The following CELF2 variants were observed in gnomAD, a reference collection of about 807,000 sequenced individuals.
The protein encoded by CELF2 is CUGBP Elav-like family member 2.
A neutral mutation model predicts 62.6 loss-of-function variants in CELF2; 8 were observed. The observed-to-expected ratio is 0.13, with a 90% CI of 0.07 to 0.23. The LOEUF is 0.23. Among genes scored for constraint, CELF2 ranks in the 10% least tolerant of loss-of-function variants. The pLI is 1.00. For missense variants in CELF2, 333 were observed against 671.0 expected, an observed-to-expected ratio of 0.50 and a Z score of 5.56; for synonymous variants, 258 against 250.0, an observed-to-expected ratio of 1.03 and a Z score of -0.30.
chr10:10,656,872 T>TA, the CELF2 span, among the ~76,000 whole-genome samples: 1 of 137,168 alleles, frequency 7.3e-6, no homozygotes, highest in Admixed American at 7.4e-5. Context: ...AAAGTATAAT[T>TA]AAAAAAATAA....
chr10:10,579,936 GA>G, the CELF2 span, among the ~76,000 whole-genome samples: 5,600 of 151,852 alleles, frequency 0.037, 325 homozygotes, highest in African/African-American at 0.13. Flanking sequence ...TGCTGATGGG[GA>G]AAAAAATGAG....
intron 1 of CELF2, among the ~76,000 whole-genome samples, chr10:10,911,717 C>T (rs1013240365): frequency 6.6e-5 from 10 of 152,234 alleles, no homozygotes; most frequent in Admixed American, 5.9e-4. Context: ...GTAACTCCGC[C>T]TCCTGGACTT....
chr10:10,637,238 G>T, the CELF2 span, among the ~76,000 whole-genome samples: 3 of 152,014 alleles, frequency 2.0e-5, no homozygotes, highest in Non-Finnish European at 2.9e-5. Context: ...CATCCTGAAG[G>T]GATTTACTAT....
At chr10:11,196,672 A>C (rs1357848644) in intron 2 of CELF2, among the ~76,000 whole-genome samples, 1 of 144,684 alleles carries the variant, frequency 6.9e-6, no homozygotes, top group African/African-American at 2.6e-5. Context: ...ACAAAACAAA[A>C]CAGAACCGGG....
chr10:11,073,779 G>A (rs1177353058), intron 1 of CELF2, among the ~76,000 whole-genome samples: 7 of 152,190 alleles, frequency 4.6e-5, no homozygotes, highest in Non-Finnish European at 1.0e-4. Flanking sequence ...ATGGCTGCAG[G>A]GTGGTGGCTG....
chr10:11,151,244 A>G (rs531874456), intron 1 of CELF2, among the ~76,000 whole-genome samples: 1 of 152,312 alleles, frequency 6.6e-6, no homozygotes, highest in South Asian at 2.1e-4. Flanking sequence ...CTTTTCCTGT[A>G]TATTCCCTGG....
At chr10:10,738,009 G>A in the CELF2 span, among the ~76,000 whole-genome samples, 1 of 152,158 alleles carries the variant, frequency 6.6e-6, no homozygotes, top group African/African-American at 2.4e-5. Context: ...GCCACACACA[G>A]GGGATATAAA....
intron 1 of CELF2, among the ~76,000 whole-genome samples, chr10:11,035,924 T>A (rs2060875796): frequency 6.6e-6 from 1 of 152,232 alleles, no homozygotes; most frequent in Admixed American, 6.5e-5. Context: ...AAATTCTGCT[T>A]GGCAATTTTA....
chr10:10,596,872 A>G, the CELF2 span, among the ~76,000 whole-genome samples: 2 of 152,062 alleles, frequency 1.3e-5, no homozygotes, highest in Non-Finnish European at 2.9e-5. Flanking sequence ...GTGAATGGAG[A>G]CAGATTCTTC....
At chr10:11,307,575 G>C (rs188788655) in intron 9 of CELF2, among the ~76,000 whole-genome samples, 25 of 152,270 alleles carry the variant, frequency 1.6e-4, no homozygotes, top group African/African-American at 5.8e-4. Flanking sequence ...TCATTACATA[G>C]ATTATTTAAT....
Position 11,011,672 on chromosome 10 carries a change from A to G in CELF2, c.53+6232A>G, listed in dbSNP as rs2056490705. ...TACTCAGCGATAGTGGTAGGACAAG[A>G]TAGAACATACTCCACTCTGTATAGC... On this transcript the variant is annotated intron_variant, in intron 1 of 12. Coordinates refer to the CELF2 transcript ENST00000416382. This position sits in a 1 kb window ranked among gnomAD's most constrained non-coding sequence, Gnocchi z 4.6. Among the ~76,000 whole-genome samples, 1 of 93,116 alleles carries G rather than the reference A, an allele frequency of 1.1e-5. No homozygotes were observed. Among genetic ancestry groups the G allele is most frequent in the Non-Finnish European group, 1.9e-5 (1 of 53,572 alleles). 61.1% of individuals were successfully genotyped at this position (93,116 alleles called of 152,430 possible).
intron 1 of CELF2, among the ~76,000 whole-genome samples, chr10:11,162,652 A>G (rs1357669551): frequency 4.6e-5 from 7 of 152,206 alleles, no homozygotes; most frequent in Non-Finnish European, 1.0e-4. Flanking sequence ...AATATTTGCT[A>G]TATAAGTGAT....
At chr10:10,508,660 A>ATGTGTGTGTGTGTGTG in the CELF2 span, among the ~76,000 whole-genome samples, 1 of 140,718 alleles carries the variant, frequency 7.1e-6, no homozygotes, top group African/African-American at 2.7e-5. Context: ...TCTTAAACAG[A>ATGTGTGTGTGTGTGTG]TGTGTGTGTG....
the CELF2 span, among the ~76,000 whole-genome samples, chr10:10,729,133 A>C: frequency 6.6e-6 from 1 of 152,234 alleles, no homozygotes; most frequent in Non-Finnish European, 1.5e-5. Context: ...CCAATTTGTG[A>C]GGGAAAAATT....
chr10:11,055,953 A>C (rs1291833), intron 1 of CELF2, among the ~76,000 whole-genome samples: 102,050 of 152,158 alleles, frequency 0.67, 35,638 homozygotes, highest in African/African-American at 0.87. Flanking sequence ...TTAAAAGCAG[A>C]TAGGGGAGCC....
At chr10:11,144,588 TA>T (rs570609919) in intron 1 of CELF2, among the ~76,000 whole-genome samples, 332 of 140,914 alleles carry the variant, frequency 2.4e-3, no homozygotes, top group Middle Eastern at 3.6e-3. Flanking sequence ...CTGTATTATT[TA>T]AAAAAAAAAA....
At chr10:10,641,090 T>C in the CELF2 span, among the ~76,000 whole-genome samples, 1 of 152,222 alleles carries the variant, frequency 6.6e-6, no homozygotes, top group Non-Finnish European at 1.5e-5. Context: ...CCTAACTTAC[T>C]GACCGTTCTG....
intron 1 of CELF2, among the ~76,000 whole-genome samples, chr10:11,073,760 CAT>C (rs1242695907): frequency 2.6e-5 from 4 of 152,162 alleles, no homozygotes; most frequent in African/African-American, 9.7e-5. Flanking sequence ...GTGCTGGTAA[CAT>C]AAGGTGATGG....
intron 1 of CELF2, among the ~76,000 whole-genome samples, chr10:11,022,797 G>A (rs951494113): frequency 6.6e-6 from 1 of 152,126 alleles, no homozygotes; most frequent in South Asian, 2.1e-4. Flanking sequence ...TCAGGGTAGC[G>A]ATCATTGTTG....
Sources: gnomAD v4.1 joint callset for allele counts (sites outside exome capture counted in the v4.1 genomes callset) on GRCh38, gnomAD v4.1.1 for gene constraint, Gnocchi (gnomAD v3.1) non-coding constraint, MANE v1.5 for transcripts, NCBI Gene and HGNC (gene_info 2026-07-23, HGNC 2026-07-21) for gene names.